XPR1: variants seen among roughly 807,000 people sequenced by gnomAD.
XPR1 encodes the protein xenotropic and polytropic retrovirus receptor 1.
In XPR1, 28 loss-of-function variants were observed where a neutral mutation model predicts 87.5. That is an observed-to-expected ratio of 0.32 (90% CI 0.24 to 0.44). The LOEUF (loss-of-function observed/expected upper bound fraction) is 0.44, where lower values mean the gene tolerates loss of function less well. XPR1 is among the 20% of genes least tolerant of loss of function. XPR1 has a pLI of 1.00. For synonymous variants in XPR1, 300 were observed against 306.1 expected (o/e 0.98, Z 0.21); for missense variants, 559 against 862.3 (o/e 0.65, Z 4.41).
chr1:180,805,960 A>T, intron 4 of XPR1, 102 bp from the exon 5 acceptor site: 1 of 1,280,718 alleles, frequency 7.8e-7, no homozygotes, highest in Non-Finnish European at 1.1e-6. Context: ...TAGAGTACTT[A>T]ATCTTTGTCC....
chr1:180,736,796 A>G (rs555934536), intron 2 of XPR1, among the ~76,000 whole-genome samples: 2 of 152,280 alleles, frequency 1.3e-5, no homozygotes, highest in South Asian at 4.2e-4. Context: ...GAGACCAAAA[A>G]GAGATGAGAC....
intron 3 of XPR1, among the ~76,000 whole-genome samples, chr1:180,791,311 G>A (rs946169871): frequency 3.3e-5 from 5 of 152,082 alleles, no homozygotes; most frequent in African/African-American, 1.2e-4. Flanking sequence ...TCACTCTGTT[G>A]TCCAGGCTGG....
intron 7 of XPR1, among the ~76,000 whole-genome samples, chr1:180,820,367 T>C (rs1650582006): frequency 6.6e-6 from 1 of 152,198 alleles, no homozygotes; most frequent in Admixed American, 6.5e-5. Flanking sequence ...ATAAATGGTG[T>C]CATACAATAT....
At chr1:180,739,373 C>G (rs1658846228) in intron 2 of XPR1, among the ~76,000 whole-genome samples, 1 of 152,052 alleles carries the variant, frequency 6.6e-6, no homozygotes. Context: ...TTTCTATTGG[C>G]TTTTGCCTTT....
chr1:180,829,226 G>T (rs1040583315), intron 9 of XPR1, among the ~76,000 whole-genome samples: 1 of 152,118 alleles, frequency 6.6e-6, no homozygotes, highest in Non-Finnish European at 1.5e-5. Flanking sequence ...ACTTAAAAGA[G>T]GATGTTAACA....
intron 2 of XPR1, among the ~76,000 whole-genome samples, chr1:180,779,710 G>T (rs1049194558): frequency 6.7e-6 from 1 of 148,550 alleles, no homozygotes; most frequent in African/African-American, 2.6e-5. Context: ...GGGGGAGGGG[G>T]AGAGGGAGAG....
At chr1:180,855,042 A>C (rs992357341) in intron 11 of XPR1, among the ~76,000 whole-genome samples, 3 of 152,214 alleles carry the variant, frequency 2.0e-5, no homozygotes, top group African/African-American at 4.8e-5. Context: ...TTAAGCCCCT[A>C]CTATGTCCAG....
At chr1:180,704,399 T>A (rs1657480001) in intron 2 of XPR1, among the ~76,000 whole-genome samples, 1 of 151,058 alleles carries the variant, frequency 6.6e-6, no homozygotes, top group South Asian at 2.1e-4. Context: ...AGAATTCTTC[T>A]ATAAAGGGAA....
chr1:180,875,914 A>G (rs1652646571), intron 13 of XPR1, among the ~76,000 whole-genome samples: 1 of 152,178 alleles, frequency 6.6e-6, no homozygotes, highest in Non-Finnish European at 1.5e-5. Context: ...CTTATGAGCA[A>G]CTTTATATCA....
chr1:180,649,074 A>G (rs1054964541), intron 1 of XPR1, among the ~76,000 whole-genome samples: 2 of 152,138 alleles, frequency 1.3e-5, no homozygotes, highest in African/African-American at 4.8e-5. Flanking sequence ...TTGTGAAACT[A>G]ATCCCCAAGA....
intron 2 of XPR1, among the ~76,000 whole-genome samples, chr1:180,778,160 T>A (rs996890236): frequency 5.9e-5 from 9 of 152,024 alleles, no homozygotes; most frequent in Middle Eastern, 3.4e-3. Context: ...TTTAAAAAAA[T>A]TTTTTTAGAG....
At chr1:180,702,681 T>G (rs1242653122) in intron 2 of XPR1, among the ~76,000 whole-genome samples, 1 of 152,122 alleles carries the variant, frequency 6.6e-6, no homozygotes, top group Non-Finnish European at 1.5e-5. Context: ...CTCATTCCGA[T>G]CATGAATTAT....
chr1:180,807,572 T>A (rs1239689248), intron 6 of XPR1, among the ~76,000 whole-genome samples: 1 of 152,128 alleles, frequency 6.6e-6, no homozygotes, highest in Non-Finnish European at 1.5e-5. Flanking sequence ...ATGAGAGAGA[T>A]GCTATGTTCA....
chr1:180,770,437 G>A (rs1164896247), intron 2 of XPR1, among the ~76,000 whole-genome samples: 1 of 152,008 alleles, frequency 6.6e-6, no homozygotes, highest in Non-Finnish European at 1.5e-5. Context: ...TTAATCATAA[G>A]GGCTCTATCC....
intron 7 of XPR1, among the ~76,000 whole-genome samples, chr1:180,822,807 C>T (rs555978137): frequency 1.3e-5 from 2 of 152,222 alleles, no homozygotes; most frequent in East Asian, 1.9e-4. Flanking sequence ...AATTTGGCAT[C>T]GCTAGGATTT....
intron 2 of XPR1, among the ~76,000 whole-genome samples, chr1:180,712,603 C>G (rs1657838036): frequency 6.6e-6 from 1 of 152,080 alleles, no homozygotes; most frequent in Non-Finnish European, 1.5e-5. Flanking sequence ...GTGAGGAGTT[C>G]AAGACCAGTC....
chr1:180,744,381 G>T (rs1474265280), intron 2 of XPR1, among the ~76,000 whole-genome samples: 2 of 151,950 alleles, frequency 1.3e-5, no homozygotes, highest in Non-Finnish European at 2.9e-5. Flanking sequence ...TTGTGCCAGA[G>T]CATTCCTTTC....
At chr1:180,759,736 A>G (rs1647922689) in intron 2 of XPR1, among the ~76,000 whole-genome samples, 1 of 152,238 alleles carries the variant, frequency 6.6e-6, no homozygotes, top group South Asian at 2.1e-4. Context: ...ATCAATAGAA[A>G]AAGAGGGAAT....
At chr1:180,675,731 T>G (rs1308120809) in intron 1 of XPR1, among the ~76,000 whole-genome samples, 1 of 152,172 alleles carries the variant, frequency 6.6e-6, no homozygotes, top group Non-Finnish European at 1.5e-5. Flanking sequence ...CTCTTTTAAT[T>G]TGTTGTTTTG....
Sources: allele counts gnomAD v4.1 joint callset (sites outside exome capture counted in the v4.1 genomes callset), GRCh38; gene constraint gnomAD v4.1.1; transcripts MANE v1.5; gene names NCBI Gene and HGNC (gene_info 2026-07-23, HGNC 2026-07-21).